Variants in HPSE2 observed in about 807,000 individuals in gnomAD.
HPSE2 encodes the protein inactive heparanase-2.
Under a neutral mutation model 60.5 loss-of-function variants are expected in HPSE2, and 38 were observed. The observed-to-expected ratio is 0.63, with a 90% CI of 0.48 to 0.82. The LOEUF (loss-of-function observed/expected upper bound fraction) is 0.82, where lower values mean the gene tolerates loss of function less well. Ranked by LOEUF, HPSE2 falls within the 40% of genes least tolerant of loss-of-function variation. The pLI, the probability that HPSE2 is intolerant of heterozygous loss-of-function variation, is 0.00. For missense variants in HPSE2, 713 were observed against 740.4 expected (o/e 0.96, Z 0.43); for synonymous variants, 295 against 293.2 (o/e 1.01, Z -0.06).
chr10:99,229,173 G>GAA (rs200136057), intron 2 of HPSE2, among the ~76,000 whole-genome samples: 64 of 137,230 alleles, frequency 4.7e-4, no homozygotes, highest in Middle Eastern at 3.8e-3. Flanking sequence ...ACTCCATATC[G>GAA]AAAAAAAAAA....
chr10:99,014,876 G>A (rs539862899), intron 3 of HPSE2, among the ~76,000 whole-genome samples: 21 of 152,208 alleles, frequency 1.4e-4, no homozygotes, highest in Non-Finnish European at 2.5e-4. Flanking sequence ...CCATCAGAGC[G>A]AACAGCCAAC....
the HPSE2 span, among the ~76,000 whole-genome samples, chr10:99,279,363 T>C: frequency 3.3e-5 from 5 of 152,164 alleles, no homozygotes; most frequent in Admixed American, 3.3e-4. Flanking sequence ...AAAGAGCATG[T>C]TGGCACAGGA....
intron 2 of HPSE2, among the ~76,000 whole-genome samples, chr10:99,196,967 A>T (rs1054345271): frequency 6.6e-6 from 1 of 152,212 alleles, no homozygotes; most frequent in African/African-American, 2.4e-5. Flanking sequence ...TTTGGAATCA[A>T]CCTAAGTATC....
chr10:99,259,207 G>A, the HPSE2 span, among the ~76,000 whole-genome samples: 4 of 151,674 alleles, frequency 2.6e-5, no homozygotes, highest in Non-Finnish European at 4.4e-5. Flanking sequence ...TTGGGAGGCT[G>A]AGGCGGGAGA....
intron 5 of HPSE2, among the ~76,000 whole-genome samples, chr10:98,694,228 G>A (rs1270051147): frequency 2.0e-5 from 3 of 152,062 alleles, no homozygotes; most frequent in Non-Finnish European, 2.9e-5. Flanking sequence ...CCAAGCCCAC[G>A]CCTGATGACT....
At chr10:98,861,513 C>A (rs1952457770) in intron 3 of HPSE2, among the ~76,000 whole-genome samples, 1 of 152,176 alleles carries the variant, frequency 6.6e-6, no homozygotes, top group Admixed American at 6.5e-5. Flanking sequence ...TAGAACACAG[C>A]ACAATTTGGC....
intron 3 of HPSE2, among the ~76,000 whole-genome samples, chr10:99,117,417 G>GAAAAAAAAAAAAAAAAAAAAAAAAAAAA (rs1157232317): frequency 8.1e-5 from 2 of 24,802 alleles, no homozygotes; most frequent in Non-Finnish European, 1.2e-4. Flanking sequence ...TTGTTTTTTT[G>GAAAAAAAAAAAAAAAAAAAAAAAAAAAA]AAAAAAAAAA....
chr10:98,725,336 A>G (rs1169377141), intron 4 of HPSE2, among the ~76,000 whole-genome samples: 3 of 152,348 alleles, frequency 2.0e-5, no homozygotes, highest in East Asian at 1.9e-4. Flanking sequence ...ATAATGCTGC[A>G]TATCTTCAAC....
intron 9 of HPSE2, among the ~76,000 whole-genome samples, chr10:98,504,163 C>T (rs1258747615): frequency 6.6e-6 from 1 of 152,186 alleles, no homozygotes; most frequent in Non-Finnish European, 1.5e-5. Flanking sequence ...CTCAGTTCTG[C>T]ACATCATCTC....
chr10:98,828,020 A>T (rs1365356735), intron 3 of HPSE2, among the ~76,000 whole-genome samples: 2 of 152,212 alleles, frequency 1.3e-5, no homozygotes, highest in Non-Finnish European at 2.9e-5. Context: ...AAAAGACAAA[A>T]GTCTGCCAGC....
Position 98,780,677 on chromosome 10 carries a change from A to G in HPSE2, c.611-36621T>C, listed in dbSNP as rs150781084. On this transcript the variant is annotated intron_variant, in intron 3 of 11. Transcript: ENST00000370552. ...TTTGATTGCTTGGCTAGGGAAGATG[A>G]AAAAAATGCAAGATGACTGCAAGTT... Among the ~76,000 whole-genome samples the G allele has an allele frequency of 2.3e-3, 355 of 152,220 alleles. 2 individuals carry two copies. The highest frequency in any genetic ancestry group is 3.9e-3 in the Non-Finnish European group (267 of 67,998).
intron 6 of HPSE2, among the ~76,000 whole-genome samples, chr10:98,659,241 G>A (rs1293403168): frequency 6.6e-6 from 1 of 152,048 alleles, no homozygotes; most frequent in Admixed American, 6.6e-5. Flanking sequence ...TCCACACATA[G>A]TCAGGTCTTG....
At chr10:98,877,214 T>C (rs1641662083) in intron 3 of HPSE2, among the ~76,000 whole-genome samples, 1 of 151,910 alleles carries the variant, frequency 6.6e-6, no homozygotes, top group African/African-American at 2.4e-5. Flanking sequence ...GAAACTTAAG[T>C]TAATGTCCTT....
rs540240836 is a variant in HPSE2, at chr10:99,011,483, C to T, written c.610+132755G>A. Among the ~76,000 whole-genome samples, 18 of 151,818 alleles carry T rather than the reference C, an allele frequency of 1.2e-4. No individual in the cohort carries two copies. The East Asian group carries it at 3.3e-3, about 28-fold the overall frequency. ...AGCCATGAAAGATATACAGGCTGGG[C>T]GTGGTGGCTCAAGCCTGTAATCCCA... On this transcript the variant is annotated intron_variant, in intron 3 of 11. Coordinates refer to ENST00000370552, the MANE Select transcript of HPSE2 (RefSeq NM_021828.5).
At chr10:99,053,468 A>T (rs1449834116) in intron 3 of HPSE2, among the ~76,000 whole-genome samples, 1 of 152,092 alleles carries the variant, frequency 6.6e-6, no homozygotes, top group African/African-American at 2.4e-5. Flanking sequence ...AACAGAAGAA[A>T]AACAAAACAG....
At chr10:98,889,378 T>G (rs200367896) in intron 3 of HPSE2, among the ~76,000 whole-genome samples, 2,788 of 151,236 alleles carry the variant, frequency 0.018, 95 homozygotes, top group East Asian at 0.15. Flanking sequence ...TTTTTTTTTT[T>G]GTATTTTCAG....
intron 2 of HPSE2, among the ~76,000 whole-genome samples, chr10:99,159,480 A>G (rs1249857420): frequency 6.6e-6 from 1 of 152,230 alleles, no homozygotes; most frequent in Non-Finnish European, 1.5e-5. Context: ...TCATTGAACT[A>G]TACATGCACA....
At chr10:99,073,902 C>G (rs1842877233) in intron 3 of HPSE2, among the ~76,000 whole-genome samples, 1 of 149,202 alleles carries the variant, frequency 6.7e-6, no homozygotes, top group South Asian at 2.1e-4. Flanking sequence ...GATTTTGAAT[C>G]CTAAAACTTT....
chr10:99,003,268 A>C (rs1424288249), intron 3 of HPSE2, among the ~76,000 whole-genome samples: 1 of 152,040 alleles, frequency 6.6e-6, no homozygotes, highest in South Asian at 2.1e-4. Context: ...GGACACTTAG[A>C]TTGATTCCAT....
Sources: allele counts gnomAD v4.1 joint callset (sites outside exome capture counted in the v4.1 genomes callset), GRCh38; gene constraint gnomAD v4.1.1; transcripts MANE v1.5; gene names NCBI Gene and HGNC (gene_info 2026-07-23, HGNC 2026-07-21).